Variants in NOP58 observed in about 807,000 individuals in gnomAD.
NOP58 encodes the protein NOP58 ribonucleoprotein.
In NOP58, 44 loss-of-function variants were observed where a neutral mutation model predicts 71.2. That is an observed-to-expected ratio of 0.62 (90% CI 0.49 to 0.79). NOP58 has a LOEUF of 0.79. Ranked by LOEUF, NOP58 falls within the 30% of genes least tolerant of loss-of-function variation. The pLI is 0.00. For missense variants in NOP58, 538 were observed against 620.2 expected (o/e 0.87, Z 1.41); for synonymous variants, 228 against 200.3 (o/e 1.14, Z -1.17).
intron 2 of NOP58, among the ~76,000 whole-genome samples, chr2:202,277,298 C>G (rs1357277674): frequency 2.0e-5 from 3 of 147,318 alleles, no homozygotes; most frequent in Non-Finnish European, 4.5e-5. Flanking sequence ...GAGTGAGACT[C>G]TGTCTCAAAA....
chr2:202,265,791 G>C lies in NOP58; in HGVS notation c.-151G>C. On this transcript the variant is annotated 5_prime_UTR_variant, in exon 1 of 15. Coordinates refer to ENST00000264279, the MANE Select transcript of NOP58 (RefSeq NM_015934.5). ...GTTCCAGTACAGCGTGGAGGGTTTA[G>C]GCAGCGTGTTCTGATTCTTTGCGGG... 1.3e-6 allele frequency: 1 copy of C among 769,958 alleles called. No homozygotes were observed. Among genetic ancestry groups the C allele is most frequent in the South Asian group, 1.6e-5 (1 of 64,184 alleles). 47.7% of individuals were successfully genotyped at this position (769,958 alleles called of 1,614,324 possible).
intron 6 of NOP58, among the ~76,000 whole-genome samples, chr2:202,288,823 A>G (rs539315536): frequency 6.6e-6 from 1 of 151,794 alleles, no homozygotes; most frequent in South Asian, 2.1e-4. Flanking sequence ...CTCAAAAAAA[A>G]AAACAAAGTA....
intron 1 of NOP58, among the ~76,000 whole-genome samples, chr2:202,273,629 T>C (rs112983112): frequency 0.04 from 6,035 of 152,308 alleles, 429 homozygotes; most frequent in African/African-American, 0.14. Flanking sequence ...AAAAATTAAA[T>C]GTCTAGGTCT....
At chr2:202,282,593 C>A in intron 4 of NOP58, 121 bp downstream of exon 4, 1 of 942,990 alleles carries the variant, frequency 1.1e-6, no homozygotes, top group Non-Finnish European at 1.5e-6. Flanking sequence ...TTTCTTTTCT[C>A]TAAGCTACAT....
intron 9 of NOP58, chr2:202,293,176 A>C (rs1688932438): frequency 1.6e-6 from 1 of 629,112 alleles, no homozygotes; most frequent in East Asian, 3.5e-5. Context: ...TAATTAGAAC[A>C]ATCGGATGAA....
intron 12 of NOP58, among the ~76,000 whole-genome samples, 176 bp downstream of exon 12, chr2:202,298,082 A>AGGAATGTGCACATTGT (rs1221263406): frequency 6.6e-6 from 1 of 152,168 alleles, no homozygotes; most frequent in South Asian, 2.1e-4. Flanking sequence ...GTGCACATTG[A>AGGAATGTGCACATTGT]GGAATGATTA....
chr2:202,288,491 A>G (rs999685818), intron 6 of NOP58, among the ~76,000 whole-genome samples: 3 of 151,676 alleles, frequency 2.0e-5, no homozygotes, highest in African/African-American at 7.3e-5. Context: ...TCACTAAAAA[A>G]AAAAAAAAAA....
At chr2:202,285,926 G>A (rs994350140) in intron 5 of NOP58, among the ~76,000 whole-genome samples, 1 of 152,198 alleles carries the variant, frequency 6.6e-6, no homozygotes, top group African/African-American at 2.4e-5. Flanking sequence ...TGGGCACGGT[G>A]GCTCACGCCT....
At chr2:202,301,017 A>T (rs1559268328) in intron 13 of NOP58, among the ~76,000 whole-genome samples, 1 of 152,200 alleles carries the variant, frequency 6.6e-6, no homozygotes, top group Non-Finnish European at 1.5e-5. Flanking sequence ...CTTGATAGAG[A>T]AAACAAACAA....
chr2:202,268,844 G>A (rs768155453), intron 1 of NOP58, among the ~76,000 whole-genome samples: 52 of 152,132 alleles, frequency 3.4e-4, no homozygotes, highest in Middle Eastern at 3.4e-3. Flanking sequence ...CTGACCTCAG[G>A]TGATCTGCCC....
At chr2:202,283,606 A>T (rs1688743748) in intron 4 of NOP58, among the ~76,000 whole-genome samples, 1 of 151,538 alleles carries the variant, frequency 6.6e-6, no homozygotes, top group Admixed American at 6.6e-5. Flanking sequence ...ACACCCGGCT[A>T]ATTTTTGTAT....
chr2:202,282,883 A>C (rs567969708), intron 4 of NOP58, among the ~76,000 whole-genome samples: 1 of 152,282 alleles, frequency 6.6e-6, no homozygotes, highest in South Asian at 2.1e-4. Flanking sequence ...AGTGGAAAGA[A>C]AGACTAGGAA....
intron 13 of NOP58, among the ~76,000 whole-genome samples, chr2:202,300,751 C>A (rs1689077925): frequency 6.6e-6 from 1 of 152,178 alleles, no homozygotes; most frequent in Admixed American, 6.5e-5. Flanking sequence ...GTTTCTCTTA[C>A]ACGGAGCGGA....
chr2:202,295,673 G>T lies in NOP58; in HGVS notation c.908-1G>T, dbSNP rs1279179490. On this transcript the variant is annotated splice_acceptor_variant, in intron 9 of 14. Transcript: ENST00000264279. LOFTEE classifies it high-confidence loss of function. ...TTCTTTGTAACTTTTTTCTTTTGTAGGTTCTCTTTTAAATTTGGCCAAGCA... is the reference window on the plus strand; with the variant it reads ...TTCTTTGTAACTTTTTTCTTTTGTATGTTCTCTTTTAAATTTGGCCAAGCA... 6.4e-7 allele frequency: 1 copy of T among 1,561,904 alleles called. No homozygotes were observed. The highest frequency in any genetic ancestry group is 8.6e-7 in the Non-Finnish European group (1 of 1,156,752).
chr2:202,283,010 G>A (rs1272209258), intron 4 of NOP58, among the ~76,000 whole-genome samples: 2 of 152,066 alleles, frequency 1.3e-5, no homozygotes, highest in South Asian at 4.1e-4. Context: ...TCAGCAGATC[G>A]AGACCATCCT....
At chr2:202,274,407 T>C (rs1688556778) in intron 1 of NOP58, among the ~76,000 whole-genome samples, 1 of 119,078 alleles carries the variant, frequency 8.4e-6, no homozygotes, top group Non-Finnish European at 1.9e-5. Flanking sequence ...TGTATTTTTT[T>C]TTTTTTTTTT....
At chr2:202,282,003 A>G (rs1438091395) in intron 3 of NOP58, among the ~76,000 whole-genome samples, 1 of 152,232 alleles carries the variant, frequency 6.6e-6, no homozygotes, top group Non-Finnish European at 1.5e-5. Context: ...ATATTTCAGG[A>G]CAGTCTATTT....
chr2:202,302,083 C>CTTTTTTTTTTTTTTTTTTTTTTTTT (rs71031885), intron 13 of NOP58, among the ~76,000 whole-genome samples: 32 of 90,588 alleles, frequency 3.5e-4, no homozygotes, highest in South Asian at 7.4e-4. Flanking sequence ...TTTTTTTTTT[C>CTTTTTTTTTTTTTTTTTTTTTTTTT]TTTTTTTTTT....
chr2:202,292,343 T>C (rs1046169117), intron 8 of NOP58, among the ~76,000 whole-genome samples: 2 of 152,068 alleles, frequency 1.3e-5, no homozygotes, highest in Admixed American at 1.3e-4. Context: ...TTTCAGGCAG[T>C]GGACCAAGTA....
Sources: gnomAD v4.1 joint callset for allele counts (sites outside exome capture counted in the v4.1 genomes callset) on GRCh38, gnomAD v4.1.1 for gene constraint, MANE v1.5 for transcripts, NCBI Gene and HGNC (gene_info 2026-07-23, HGNC 2026-07-21) for gene names.